Variants in TENM3 observed in about 807,000 individuals in gnomAD.
The protein encoded by TENM3 is teneurin transmembrane protein 3.
In TENM3, 63 loss-of-function variants were observed where a neutral mutation model predicts 255.1. The observed-to-expected ratio is 0.25, with a 90% CI of 0.20 to 0.30. The LOEUF (loss-of-function observed/expected upper bound fraction) is 0.30, where lower values mean the gene tolerates loss of function less well. TENM3 is among the 10% of genes least tolerant of loss of function. TENM3 has a pLI of 1.00. For missense variants in TENM3, 2,929 were observed against 3,461.1 expected (o/e 0.85, Z 3.86); for synonymous variants, 1,306 against 1,322.3 (o/e 0.99, Z 0.27).
At chr4:182,603,027 A>G (rs1748052277) in intron 4 of TENM3, among the ~76,000 whole-genome samples, 1 of 152,230 alleles carries the variant, frequency 6.6e-6, no homozygotes, top group African/African-American at 2.4e-5. Flanking sequence ...ATTCCGTGAA[A>G]CCATGTCTTC....
chr4:181,579,344 A>G, the TENM3 span, among the ~76,000 whole-genome samples: 1 of 152,132 alleles, frequency 6.6e-6, no homozygotes, highest in African/African-American at 2.4e-5. Context: ...TGTTCTGTCC[A>G]TTGCCACCAG....
chr4:182,653,855 T>C lies in TENM3; in HGVS notation c.1073T>C (p.Met358Thr), dbSNP rs767549290. 1 of 1,613,340 alleles carries C rather than the reference T, an allele frequency of 6.2e-7. No homozygotes were observed. The highest frequency in any genetic ancestry group is 8.5e-7 in the Non-Finnish European group (1 of 1,179,550). Residue 358 changes from methionine (M) to threonine (T), a missense_variant, in exon 6 of 28, where the codon ATG (methionine) becomes ACG (threonine). Around this residue, in one of 6 missense-constraint regions of TENM3, gnomAD observed 1,608 missense variants for 1,884.4 expected, o/e 0.85. Coordinates refer to ENST00000511685, the MANE Select transcript of TENM3 (RefSeq NM_001080477.4). ...FENGKVNSDT[M>T]PTNTVSLPSG... ...AATGGAAAAGTGAATTCTGATACCA[T>C]GCCAACAAACACTGTGTCATTACCT...
the TENM3 span, among the ~76,000 whole-genome samples, chr4:181,839,382 T>TACAC: frequency 0.067 from 3,996 of 59,900 alleles, 304 homozygotes; most frequent in East Asian, 0.34. Context: ...TATATATATA[T>TACAC]ATACACCTAT....
chr4:181,537,061 A>G, the TENM3 span, among the ~76,000 whole-genome samples: 1 of 152,158 alleles, frequency 6.6e-6, no homozygotes, highest in Non-Finnish European at 1.5e-5. Context: ...ATAAAACTTT[A>G]TATGTTTATA....
chr4:181,675,112 G>T, the TENM3 span, among the ~76,000 whole-genome samples: 2 of 151,928 alleles, frequency 1.3e-5, no homozygotes, highest in African/African-American at 4.8e-5. Context: ...TGATACACAC[G>T]CCTGAATCCG....
chr4:181,709,936 C>T, the TENM3 span, among the ~76,000 whole-genome samples: 1 of 152,188 alleles, frequency 6.6e-6, no homozygotes, highest in East Asian at 1.9e-4. Context: ...GCTAGAGAGA[C>T]TGAAGAAGAA....
chr4:181,668,705 C>A, the TENM3 span, among the ~76,000 whole-genome samples: 1 of 152,202 alleles, frequency 6.6e-6, no homozygotes, highest in East Asian at 1.9e-4. Context: ...AAATAAGGTT[C>A]CATTCTAAGG....
chr4:182,503,003 ATCT>A (rs1278876016), intron 3 of TENM3, among the ~76,000 whole-genome samples: 1 of 147,988 alleles, frequency 6.8e-6, no homozygotes, highest in East Asian at 2.0e-4. Flanking sequence ...TCTTAAAATA[ATCT>A]TCTGCTCTCT....
chr4:181,804,369 C>A, the TENM3 span, among the ~76,000 whole-genome samples: 1 of 152,040 alleles, frequency 6.6e-6, no homozygotes, highest in African/African-American at 2.4e-5. Flanking sequence ...TGGATGTTTG[C>A]AGATAAAATA....
At chr4:181,996,244 G>A in the TENM3 span, among the ~76,000 whole-genome samples, 89 of 152,130 alleles carry the variant, frequency 5.9e-4, no homozygotes, top group African/African-American at 1.7e-3. Context: ...GTGGACAGCC[G>A]TCCAAGCTGT....
intron 1 of TENM3, among the ~76,000 whole-genome samples, chr4:182,220,861 G>A (rs574402530): frequency 4.3e-4 from 65 of 152,236 alleles, no homozygotes; most frequent in African/African-American, 1.5e-3. Context: ...GCTCTGTGAA[G>A]GCCATCATAG....
intron 3 of TENM3, among the ~76,000 whole-genome samples, chr4:182,506,352 G>A (rs984092112): frequency 1.3e-5 from 2 of 152,132 alleles, no homozygotes; most frequent in African/African-American, 4.8e-5. Flanking sequence ...GTTCAATCTT[G>A]TCATTACCTT....
the TENM3 span, among the ~76,000 whole-genome samples, chr4:181,675,625 T>C: frequency 6.6e-6 from 1 of 152,146 alleles, no homozygotes; most frequent in Admixed American, 6.6e-5. Flanking sequence ...GCAGAGACAC[T>C]CTAGGTCCTC....
the TENM3 span, among the ~76,000 whole-genome samples, chr4:181,522,031 G>T: frequency 6.8e-6 from 1 of 147,716 alleles, no homozygotes; most frequent in East Asian, 2.0e-4. Flanking sequence ...AACGCGGGAG[G>T]CAGAGCTTGC....
chr4:181,888,548 A>ATATATG, the TENM3 span, among the ~76,000 whole-genome samples: 62 of 99,960 alleles, frequency 6.2e-4, 1 homozygote, highest in African/African-American at 2.3e-3. Context: ...ATATATATAT[A>ATATATG]TGTATATATA....
intron 3 of TENM3, among the ~76,000 whole-genome samples, chr4:182,390,673 G>A (rs141845899): frequency 9.2e-4 from 140 of 152,230 alleles, no homozygotes; most frequent in African/African-American, 3.3e-3. Flanking sequence ...TGGTTTCTGC[G>A]GTTCCTTCAG....
chr4:182,336,349 CAAA>C (rs34731872), intron 2 of TENM3, among the ~76,000 whole-genome samples: 29,268 of 136,330 alleles, frequency 0.21, 3,027 homozygotes, highest in East Asian at 0.38. Context: ...AGGAAGAAGC[CAAA>C]AAAAAAAAGC....
At chr4:182,110,461 A>G in the TENM3 span, among the ~76,000 whole-genome samples, 27 of 151,506 alleles carry the variant, frequency 1.8e-4, no homozygotes, top group Non-Finnish European at 3.8e-4. Context: ...AGTAGGTGGG[A>G]CCACTGGCAT....
At chr4:181,617,729 C>T in the TENM3 span, among the ~76,000 whole-genome samples, 4 of 152,156 alleles carry the variant, frequency 2.6e-5, no homozygotes, top group African/African-American at 9.7e-5. Context: ...TACAACTGCA[C>T]TAATTATTGT....
Sources: gnomAD v4.1 joint callset for allele counts (sites outside exome capture counted in the v4.1 genomes callset) on GRCh38, gnomAD v4.1.1 for gene constraint, gnomAD v4.1.1 regional missense constraint, MANE v1.5 for transcripts, NCBI Gene and HGNC (gene_info 2026-07-23, HGNC 2026-07-21) for gene names.